The following TTC6 variants were observed in gnomAD, a reference collection of about 807,000 sequenced individuals.
TTC6 encodes the protein tetratricopeptide repeat domain 6.
In TTC6, 172 loss-of-function variants were observed where a neutral mutation model predicts 210.4. That is an observed-to-expected ratio of 0.82 (90% confidence interval 0.72 to 0.93). The LOEUF (loss-of-function observed/expected upper bound fraction) is 0.93, where lower values mean the gene tolerates loss of function less well. Ranked by LOEUF, TTC6 falls within the 40% of genes least tolerant of loss-of-function variation. The probability of loss-of-function intolerance (pLI) is 0.00; values close to 1 mark genes in which losing one functional copy is unlikely to be tolerated. For synonymous variants in TTC6, 804 were observed against 819.6 expected, an observed-to-expected ratio of 0.98 and a Z score of 0.32; for missense variants, 2,414 against 2,318.1, an observed-to-expected ratio of 1.04 and a Z score of -0.85.
chr14:37,611,801 T>C (rs2095635092), intron 2 of TTC6, among the ~76,000 whole-genome samples: 2 of 152,166 alleles, frequency 1.3e-5, no homozygotes, highest in South Asian at 2.1e-4. Context: ...CAACCACCAG[T>C]AGGTGGTTGC....
At chr14:37,713,311 A>T (rs991423636) in intron 5 of TTC6, among the ~76,000 whole-genome samples, 1 of 152,150 alleles carries the variant, frequency 6.6e-6, no homozygotes, top group Non-Finnish European at 1.5e-5. Flanking sequence ...TATCTAGAAC[A>T]TTGGCTTCTG....
intron 7 of TTC6, among the ~76,000 whole-genome samples, chr14:37,733,788 C>T (rs1054623073): frequency 6.6e-6 from 1 of 152,074 alleles, no homozygotes; most frequent in Non-Finnish European, 1.5e-5. Context: ...TATCCATTCT[C>T]TATTTCATTT....
intron 20 of TTC6, 72 bp downstream of exon 22, chr14:37,797,019 T>G: frequency 7.8e-7 from 1 of 1,277,364 alleles, no homozygotes; most frequent in Non-Finnish European, 1.0e-6. Context: ...GTATACCACT[T>G]TAAATATTTT....
At chr14:37,685,964 G>T (rs1465423362) in intron 3 of TTC6, among the ~76,000 whole-genome samples, 1 of 152,134 alleles carries the variant, frequency 6.6e-6, no homozygotes, top group Non-Finnish European at 1.5e-5. Flanking sequence ...CTTCTAAAAG[G>T]AAGTGGTAAT....
intron 1 of TTC6, among the ~76,000 whole-genome samples, chr14:37,605,908 T>C (rs1035283745): frequency 6.6e-6 from 1 of 151,366 alleles, no homozygotes; most frequent in African/African-American, 2.4e-5. Flanking sequence ...TTTTTTTTTT[T>C]CTGTCTGCTC....
Position 37,622,427 on chromosome 14 carries a change from C to G in TTC6, c.363C>G (p.Tyr121Ter). 3.9e-6 allele frequency: 6 copies of G among 1,534,948 alleles called. No individual in the cohort carries two copies. Among genetic ancestry groups the G allele is most frequent in the Non-Finnish European group, 5.2e-6 (6 of 1,146,478 alleles). The change falls in exon 1 of 31, where the codon TAC (tyrosine) becomes TAG (stop). Residue 121 changes from tyrosine to a stop codon, truncating the protein, a stop_gained. Transcript: ENST00000553443. LOFTEE classifies it high-confidence loss of function. ...GGTCGTTTCGCCCCCGGGACTTTTA[C>G]TTGCGGAGCTCCGCGTTCCTACGGC...
chr14:37,783,663 C>T (rs1409330366), intron 14 of TTC6, among the ~76,000 whole-genome samples: 2 of 151,962 alleles, frequency 1.3e-5, no homozygotes, highest in African/African-American at 4.8e-5. Context: ...TATTTCTTGC[C>T]TTCTGCTAGC....
At chr14:37,607,583 A>G (rs564672925) in intron 2 of TTC6, among the ~76,000 whole-genome samples, 1 of 151,980 alleles carries the variant, frequency 6.6e-6, no homozygotes. Flanking sequence ...ATGAAAGTAG[A>G]ATTTCTGGGT....
chr14:37,738,429 T>TG (rs896136041), intron 9 of TTC6, among the ~76,000 whole-genome samples: 4 of 151,584 alleles, frequency 2.6e-5, no homozygotes, highest in African/African-American at 9.7e-5. Flanking sequence ...TACCAGTTTT[T>TG]TTGCATTAAA....
At chr14:37,643,755 A>C (rs192372062) in intron 1 of TTC6, among the ~76,000 whole-genome samples, 24 of 152,270 alleles carry the variant, frequency 1.6e-4, no homozygotes, top group East Asian at 5.8e-4. Context: ...ATTTCAGCCA[A>C]ATTTCCCCTC....
chr14:37,815,758 ATAAT>A (rs1389616766), intron 25 of TTC6, among the ~76,000 whole-genome samples: 1 of 152,168 alleles, frequency 6.6e-6, no homozygotes, highest in East Asian at 1.9e-4. Context: ...TATTAGAGAG[ATAAT>A]TAATGCAGAA....
intron 3 of TTC6, among the ~76,000 whole-genome samples, chr14:37,692,907 C>A (rs1231613737): frequency 6.6e-6 from 1 of 150,520 alleles, no homozygotes; most frequent in African/African-American, 2.4e-5. Flanking sequence ...AAATAAATCC[C>A]AAAACCACAT....
chr14:37,782,235 G>A (rs1225753618), intron 14 of TTC6, among the ~76,000 whole-genome samples: 3 of 152,028 alleles, frequency 2.0e-5, no homozygotes, highest in Admixed American at 6.6e-5. Flanking sequence ...CCATTTTCAC[G>A]ATATTGATTC....
intron 7 of TTC6, among the ~76,000 whole-genome samples, chr14:37,734,515 G>C (rs1014991): frequency 0.63 from 95,896 of 151,968 alleles, 31,433 homozygotes; most frequent in East Asian, 0.9. Context: ...TGTTAGCTCT[G>C]TGATGTTTTG....
chr14:37,701,732 C>T (rs1336898562), intron 5 of TTC6, among the ~76,000 whole-genome samples: 2 of 152,070 alleles, frequency 1.3e-5, no homozygotes, highest in African/African-American at 4.8e-5. Context: ...TGAACCCATT[C>T]CCAATTGTAA....
At chr14:37,822,196 A>G (rs1306594575) in intron 26 of TTC6, among the ~76,000 whole-genome samples, 2 of 152,246 alleles carry the variant, frequency 1.3e-5, no homozygotes, top group African/African-American at 2.4e-5. Flanking sequence ...TATTTATGGC[A>G]TGAGATAATT....
intron 1 of TTC6, among the ~76,000 whole-genome samples, chr14:37,625,366 G>A (rs1311253777): frequency 6.6e-6 from 1 of 151,806 alleles, no homozygotes; most frequent in African/African-American, 2.4e-5. Flanking sequence ...TGGCCAACAT[G>A]GTGAAACCCC....
At chr14:37,700,999 G>A (rs1416991783) in intron 4 of TTC6, among the ~76,000 whole-genome samples, 1 of 152,048 alleles carries the variant, frequency 6.6e-6, no homozygotes, top group African/African-American at 2.4e-5. Flanking sequence ...GGTGTCCACA[G>A]ACTGAGTTTC....
chr14:37,842,262 G>T, exon 31 of TTC6: 1 of 1,605,904 alleles, frequency 6.2e-7, no homozygotes, highest in South Asian at 1.1e-5. Context: ...CCAAGCACTT[G>T]ATCTTGAAGA....
Sources: allele counts gnomAD v4.1 joint callset (sites outside exome capture counted in the v4.1 genomes callset), GRCh38; gene constraint gnomAD v4.1.1; transcripts MANE v1.5; gene names NCBI Gene and HGNC (gene_info 2026-07-23, HGNC 2026-07-21).